The following PDZD2 variants were observed in gnomAD, a reference collection of about 807,000 sequenced individuals.
PDZD2 encodes PDZ domain containing 2.
PDZD2 carries 90 observed loss-of-function variants against 220.7 expected under a neutral mutation model. That is an observed-to-expected ratio of 0.41 (90% confidence interval 0.34 to 0.49). The LOEUF (loss-of-function observed/expected upper bound fraction) is 0.49, where lower values mean the gene tolerates loss of function less well. Among genes scored for constraint, PDZD2 ranks in the 20% least tolerant of loss-of-function variants. The pLI is 0.28. For synonymous variants in PDZD2, 1,375 were observed against 1,450.5 expected, an observed-to-expected ratio of 0.95 and a Z score of 1.18; for missense variants, 3,174 against 3,608.5, an observed-to-expected ratio of 0.88 and a Z score of 3.08.
chr5:32,092,931 G>A lies in PDZD2; in HGVS notation c.7752G>A (p.Ala2584=), dbSNP rs573949489. Reference sequence around the variant, plus strand: ...GTTTGGATCAACTTCTAGTCTCAGCGGGGGACCAGCAAAGATTACAGTCTG... The same window carrying A: ...GTTTGGATCAACTTCTAGTCTCAGCAGGGGACCAGCAAAGATTACAGTCTG... ...SVNLDQLLVS[A]GDQQRLQSVL... is the part of the protein sequence containing the mutation. Residue 2584 remains alanine, a synonymous_variant, in exon 21 of 25, where the codon GCG becomes GCA. Transcript: ENST00000438447. The A allele has an allele frequency of 9.4e-6, 15 of 1,590,184 alleles. No individual in the cohort carries two copies. The highest frequency in any genetic ancestry group is 4.4e-5 in the South Asian group (4 of 90,308).
rs555474099 is a variant in PDZD2 at position 32,063,568 on chromosome 5, T to TC, written c.2451+2437dup. 2.6e-3 allele frequency among the ~76,000 whole-genome samples: 390 copies of TC among 152,270 alleles called. 3 individuals are homozygous for TC. The highest frequency in any genetic ancestry group is 8.7e-3 in the African/African-American group (360 of 41,562). ...CAGGCATCAACAGACGGACTATCCT[T>TC]CCCTGTCTCCCTCCAGCCAGGGCGA... On this transcript the variant is annotated intron_variant, in intron 14 of 24. Transcript: ENST00000438447.
intron 6 of PDZD2, among the ~76,000 whole-genome samples, chr5:32,030,562 T>C (rs1755040541): frequency 6.6e-6 from 1 of 152,220 alleles, no homozygotes; most frequent in Non-Finnish European, 1.5e-5. Flanking sequence ...GCATGCTGAA[T>C]TTGGGTGTTT....
In PDZD2 at chr5:32,110,114, C is replaced by CTA. The variant is rs1342650100; in HGVS notation, c.*1981_*1982dup. 6.6e-6 allele frequency: 1 copy of CTA among 152,606 alleles called. No individual in the cohort carries two copies. The highest frequency in any genetic ancestry group is 6.5e-5 in the Admixed American group (1 of 15,276). The allele number at this position is 152,606 out of a possible 1,614,324, so 9.5% of individuals were successfully genotyped here. On this transcript the variant is annotated 3_prime_UTR_variant, in exon 25 of 25. Coordinates refer to ENST00000438447, the MANE Select transcript of PDZD2 (RefSeq NM_178140.4). Reference sequence around the variant, plus strand: ...TCTGCTTTCTTGCCTAAATCAAAGACTATTTCAAGTCAACAACACTGAAAA... The same window carrying CTA: ...TCTGCTTTCTTGCCTAAATCAAAGACTATATTTCAAGTCAACAACACTGAAAA...
intron 1 of PDZD2, among the ~76,000 whole-genome samples, chr5:31,797,822 T>A (rs1337021965): frequency 1.3e-5 from 2 of 152,212 alleles, no homozygotes; most frequent in Admixed American, 1.3e-4. Context: ...ACCTCTCCCA[T>A]GCATTATTGT....
chr5:31,821,658 C>T (rs1216902263), intron 2 of PDZD2, among the ~76,000 whole-genome samples: 3 of 152,088 alleles, frequency 2.0e-5, no homozygotes, highest in Non-Finnish European at 2.9e-5. Context: ...GGGTTACAGG[C>T]GTGAGCCACT....
At chr5:31,991,185 A>T (rs1330637415) in intron 3 of PDZD2, among the ~76,000 whole-genome samples, 1 of 152,206 alleles carries the variant, frequency 6.6e-6, no homozygotes, top group African/African-American at 2.4e-5. Flanking sequence ...TGCTGAGTGC[A>T]TCACAGCCTA....
At chr5:32,091,213 TG>T in intron 20 of PDZD2, 38 bp downstream of exon 20, 1 of 1,439,782 alleles carries the variant, frequency 6.9e-7, no homozygotes, top group African/African-American at 1.4e-5. Flanking sequence ...CAGATAAACT[TG>T]TTTCATTTTG....
At chr5:31,962,265 CTT>C (rs920414051) in intron 2 of PDZD2, among the ~76,000 whole-genome samples, 2 of 152,190 alleles carry the variant, frequency 1.3e-5, no homozygotes, top group African/African-American at 4.8e-5. Context: ...TCATTTCTGA[CTT>C]TTAGCAGTCT....
intron 1 of PDZD2, among the ~76,000 whole-genome samples, chr5:31,671,089 G>T (rs1302213739): frequency 6.6e-6 from 1 of 152,124 alleles, no homozygotes. Context: ...AGGCAGGGTG[G>T]CTTGGGAGCT....
At chr5:31,946,517 C>T (rs1746649354) in intron 2 of PDZD2, among the ~76,000 whole-genome samples, 3 of 152,122 alleles carry the variant, frequency 2.0e-5, no homozygotes, top group South Asian at 2.1e-4. Flanking sequence ...TTGTGCTCCC[C>T]GCCGCCATGT....
At chr5:31,822,627 C>A in intron 2 of PDZD2, 1 of 1,315,666 alleles carries the variant, frequency 7.6e-7, no homozygotes, top group Non-Finnish European at 1.1e-6. Flanking sequence ...TTCCTGATAT[C>A]CTTGTTTTTA....
chr5:32,061,042 C>T lies in PDZD2; in HGVS notation c.2359C>T (p.Arg787Cys), dbSNP rs151107183. The change falls in exon 14 of 25, where the codon CGC (arginine) becomes TGC (cysteine). Residue 787 changes from arginine (R) to cysteine (C), a missense_variant. Physicochemically the swap from Arg to Cys is radical, Grantham distance 180. Coordinates refer to ENST00000438447, the MANE Select transcript of PDZD2 (RefSeq NM_178140.4). ...CCTGGAAGTGAACTCCGTCAACGTC[C>T]GCCATGCTGCTTTAAGCAAAGTCCA... ...QILEVNSVNV[R>C]HAALSKVHAI... is the part of the protein sequence containing the mutation. 3.5e-5 allele frequency: 57 copies of T among 1,614,002 alleles called. No homozygotes were observed. Among genetic ancestry groups the T allele is most frequent in the Non-Finnish European group, 4.7e-5 (56 of 1,179,970 alleles).
chr5:31,903,302 ATAAAAT>A (rs1452109703), intron 2 of PDZD2, among the ~76,000 whole-genome samples: 14 of 151,998 alleles, frequency 9.2e-5, no homozygotes, highest in South Asian at 2.1e-4. Flanking sequence ...TCAAAAAAAA[ATAAAAT>A]TAAAATTAAA....
chr5:31,920,928 T>G (rs1744198006), intron 2 of PDZD2, among the ~76,000 whole-genome samples: 1 of 152,236 alleles, frequency 6.6e-6, no homozygotes, highest in African/African-American at 2.4e-5. Flanking sequence ...GTTTCCTTCA[T>G]GTCTTCGTTC....
At chr5:31,759,078 AGTG>A (rs1387110330) in intron 1 of PDZD2, among the ~76,000 whole-genome samples, 1 of 152,024 alleles carries the variant, frequency 6.6e-6, no homozygotes, top group Non-Finnish European at 1.5e-5. Context: ...AGAACCCAGG[AGTG>A]GTGAGCTCCC....
chr5:32,051,379 G>T (rs1001852913), intron 8 of PDZD2, among the ~76,000 whole-genome samples: 1 of 152,094 alleles, frequency 6.6e-6, no homozygotes, highest in Non-Finnish European at 1.5e-5. Flanking sequence ...AATAATAATT[G>T]TTCTAAGCTG....
At chr5:31,819,714 TGTATGA>T (rs1755709840) in intron 2 of PDZD2, among the ~76,000 whole-genome samples, 1 of 151,646 alleles carries the variant, frequency 6.6e-6, no homozygotes, top group African/African-American at 2.4e-5. Flanking sequence ...TCTGTGTATA[TGTATGA>T]GTATATGTAA....
chr5:31,734,751 A>G (rs1026594943), intron 1 of PDZD2, among the ~76,000 whole-genome samples: 1 of 152,136 alleles, frequency 6.6e-6, no homozygotes, highest in African/African-American at 2.4e-5. Context: ...AAAGTACCCA[A>G]TCACGAGATT....
intron 1 of PDZD2, among the ~76,000 whole-genome samples, chr5:31,772,029 G>GA (rs1227041278): frequency 2.6e-5 from 4 of 152,162 alleles, no homozygotes; most frequent in South Asian, 2.1e-4. Context: ...TGGGGGTGGG[G>GA]AGAGGAGCAG....
Sources: gnomAD v4.1 joint callset for allele counts (sites outside exome capture counted in the v4.1 genomes callset) on GRCh38, gnomAD v4.1.1 for gene constraint, MANE v1.5 for transcripts, NCBI Gene and HGNC (gene_info 2026-07-23, HGNC 2026-07-21) for gene names.